Variants in ATAD2 observed in about 807,000 individuals in gnomAD.
The protein encoded by ATAD2 is ATPase family AAA domain containing 2.
ATAD2 carries 62 observed loss-of-function variants against 168.9 expected under a neutral mutation model. That is an observed-to-expected ratio of 0.37 (90% CI 0.30 to 0.45). The LOEUF (loss-of-function observed/expected upper bound fraction) is 0.45, where lower values mean the gene tolerates loss of function less well. Ranked by LOEUF, ATAD2 falls within the 20% of genes least tolerant of loss-of-function variation. The pLI, the probability that ATAD2 is intolerant of heterozygous loss-of-function variation, is 1.00. For synonymous variants in ATAD2, 613 were observed against 571.6 expected (o/e 1.07, Z -1.03); for missense variants, 1,419 against 1,667.8 (o/e 0.85, Z 2.60).
At chr8:123,364,887 A>G (rs984173116) in intron 8 of ATAD2, among the ~76,000 whole-genome samples, 1 of 152,158 alleles carries the variant, frequency 6.6e-6, no homozygotes, top group Non-Finnish European at 1.5e-5. Flanking sequence ...GCCCACTCTC[A>G]CCACTTCTAT....
At chr8:123,384,169 T>C (rs575290405) in intron 1 of ATAD2, among the ~76,000 whole-genome samples, 40 of 152,124 alleles carry the variant, frequency 2.6e-4, no homozygotes, top group African/African-American at 8.9e-4. Context: ...TTCAATTCTC[T>C]GCTTTCAATA....
Position 123,369,896 on chromosome 8 carries a change from C to T in ATAD2, c.856G>A (p.Gly286Arg), listed in dbSNP as rs1288499167. 2 of 1,606,124 alleles carry T rather than the reference C, an allele frequency of 1.2e-6. No homozygotes were observed. The highest frequency in any genetic ancestry group is 1.7e-6 in the Non-Finnish European group (2 of 1,175,876). ...DDEDDEDEEDGEEENQKRYYL... is the reference protein window; with the variant it reads ...DDEDDEDEEDREEENQKRYYL... ...TATCGCTTCTGATTCTCTTCTTCTC[C>T]ATCTTCTTCATCTTCATCATCTTCA... is the stretch of plus-strand genomic sequence containing the variant. The change falls in exon 7 of 28, where the codon GGA (glycine) becomes AGA (arginine). Residue 286 changes from glycine to arginine, a missense_variant. Physicochemically the swap from Gly to Arg is moderately radical, Grantham distance 125. Coordinates refer to ENST00000287394, the MANE Select transcript of ATAD2 (RefSeq NM_014109.4).
intron 13 of ATAD2, among the ~76,000 whole-genome samples, chr8:123,350,427 T>C (rs930557457): frequency 2.6e-5 from 4 of 152,188 alleles, no homozygotes; most frequent in African/African-American, 7.2e-5. Flanking sequence ...TTTAATAATA[T>C]CTAATACCCA....
chr8:123,377,027 G>A (rs1464853648), intron 2 of ATAD2, among the ~76,000 whole-genome samples: 1 of 143,068 alleles, frequency 7.0e-6, no homozygotes, highest in Non-Finnish European at 1.5e-5. Context: ...GGGGGCGGAG[G>A]TTGCAGTGAG....
At chr8:123,414,735 G>C (rs1180196628) in intron 1 of ATAD2, among the ~76,000 whole-genome samples, 1 of 152,236 alleles carries the variant, frequency 6.6e-6, no homozygotes, top group East Asian at 1.9e-4. Context: ...CCTGGTTTTT[G>C]TGTCAAGAGG....
chr8:123,372,036 CAGG>C (rs140573761), intron 3 of ATAD2, among the ~76,000 whole-genome samples: 2,657 of 152,182 alleles, frequency 0.017, 56 homozygotes, highest in African/African-American at 0.06. Flanking sequence ...CACCTACTCC[CAGG>C]AGAAGAGGAA....
At chr8:123,348,894 C>T (rs1348573364) in intron 14 of ATAD2, among the ~76,000 whole-genome samples, 2 of 152,048 alleles carry the variant, frequency 1.3e-5, no homozygotes, top group African/African-American at 2.4e-5. Flanking sequence ...TTTAAGAGTA[C>T]AGACAGCTCT....
intron 19 of ATAD2, among the ~76,000 whole-genome samples, chr8:123,341,772 C>T (rs1380972248): frequency 6.6e-6 from 1 of 152,162 alleles, no homozygotes; most frequent in Non-Finnish European, 1.5e-5. Flanking sequence ...CCAAGTCAGG[C>T]ACAAGCAAGA....
chr8:123,376,329 C>T (rs938427901), intron 2 of ATAD2, among the ~76,000 whole-genome samples: 87 of 152,000 alleles, frequency 5.7e-4, no homozygotes, highest in African/African-American at 2.0e-3. Flanking sequence ...TCTCTTGGAC[C>T]TGGGAGGCAG....
intron 2 of ATAD2, among the ~76,000 whole-genome samples, 192 bp from the exon 3 acceptor site, chr8:123,372,878 C>T (rs1405313187): frequency 1.3e-5 from 2 of 150,996 alleles, no homozygotes; most frequent in Non-Finnish European, 3.0e-5. Flanking sequence ...ACACACCTCA[C>T]TACATCCAGC....
At chr8:123,335,955 CTATAT>C (rs113664019) in intron 22 of ATAD2, among the ~76,000 whole-genome samples, 3,513 of 152,098 alleles carry the variant, frequency 0.023, 65 homozygotes, top group African/African-American at 0.04. Flanking sequence ...CTAGTAAGCC[CTATAT>C]TATATTGCTT....
In ATAD2 at chr8:123,403,744, G is replaced by A. The variant is rs541144072; in HGVS notation, c.-2281-2569C>T. 3.9e-5 allele frequency among the ~76,000 whole-genome samples: 6 copies of A among 152,328 alleles called. 2 individuals are homozygous for A. In the South Asian group the frequency reaches 1.2e-3, roughly 32 times the overall value. Reference sequence around the variant, plus strand: ...TGAAAAACTAGGAGGTTACTGCACTGTCCTGGTGAGAGAAGATGGCGGCCT... The same window carrying A: ...TGAAAAACTAGGAGGTTACTGCACTATCCTGGTGAGAGAAGATGGCGGCCT... On this transcript the variant is annotated intron_variant, in intron 1 of 28. Transcript: ENST00000521903.
At chr8:123,380,800 T>C (rs1244200916) in intron 1 of ATAD2, 123 bp from the exon 2 acceptor site, 1 of 898,070 alleles carries the variant, frequency 1.1e-6, no homozygotes, top group Admixed American at 2.8e-5. Flanking sequence ...AATCATTTTG[T>C]ATCTCCCCAA....
At position 123,370,883 on chromosome 8, in the gene ATAD2, GAAC is replaced by G. The variant is rs761813872; in HGVS notation, c.727+17_727+19del. 3.3e-5 allele frequency: 51 copies of G among 1,547,860 alleles called. No individual in the cohort carries two copies. The highest frequency in any genetic ancestry group is 4.3e-5 in the Non-Finnish European group (49 of 1,140,434). ...TTCTTAAATTCAATCCCAGAAGACA[GAAC>G]AAGAGAAGAGACTAACCCACACTGC... On this transcript the variant is annotated intron_variant, in intron 6 of 27. Coordinates refer to ENST00000287394, the MANE Select transcript of ATAD2 (RefSeq NM_014109.4).
At chr8:123,396,927 T>G (rs148429114), upstream of ATAD2, among the ~76,000 whole-genome samples, 500 of 151,762 alleles carry the variant, frequency 3.3e-3, 4 homozygotes, top group African/African-American at 0.012. Flanking sequence ...CTTTGAGCCT[T>G]AAGAACTTTT....
intron 22 of ATAD2, among the ~76,000 whole-genome samples, chr8:123,336,019 TATTTC>T (rs1482463201): frequency 4.6e-5 from 7 of 152,200 alleles, no homozygotes; most frequent in Admixed American, 1.3e-4. Flanking sequence ...TTTTAAAAAC[TATTTC>T]ATTACAGAGT....
At chr8:123,352,165 TC>T (rs2131342995) in intron 13 of ATAD2, 1 of 152,778 alleles carries the variant, frequency 6.5e-6, no homozygotes, top group East Asian at 1.9e-4. Flanking sequence ...TCTCCTCCCC[TC>T]ACCTCCTTGC....
chr8:123,339,955 C>G (rs1238702187), intron 19 of ATAD2, among the ~76,000 whole-genome samples: 1 of 151,916 alleles, frequency 6.6e-6, no homozygotes, highest in African/African-American at 2.4e-5. Flanking sequence ...TGCAGTGGCA[C>G]AATCATAGCT....
chr8:123,376,275 G>A (rs1210273285), intron 2 of ATAD2, among the ~76,000 whole-genome samples: 4 of 151,840 alleles, frequency 2.6e-5, no homozygotes, highest in Non-Finnish European at 4.4e-5. Flanking sequence ...ATGTGGTGGC[G>A]GTTGCCTGTA....
Sources: allele counts gnomAD v4.1 joint callset (sites outside exome capture counted in the v4.1 genomes callset), GRCh38; gene constraint gnomAD v4.1.1; transcripts MANE v1.5; gene names NCBI Gene and HGNC (gene_info 2026-07-23, HGNC 2026-07-21).